The following SKAP1 variants were observed in gnomAD, a reference collection of about 807,000 sequenced individuals.
SKAP1 encodes the protein src kinase-associated phosphoprotein 1.
In SKAP1, 44 loss-of-function variants were observed where a neutral mutation model predicts 58.5. The observed-to-expected ratio is 0.75, with a 90% CI of 0.59 to 0.97. The LOEUF is 0.97. SKAP1 is among the 50% of genes least tolerant of loss of function. The probability of loss-of-function intolerance (pLI) is 0.00; values close to 1 mark genes in which losing one functional copy is unlikely to be tolerated. For synonymous variants in SKAP1, 127 were observed against 149.7 expected (o/e 0.85, Z 1.11); for missense variants, 390 against 435.2 (o/e 0.90, Z 0.92).
At chr17:48,225,215 G>C (rs1222337270) in intron 4 of SKAP1, among the ~76,000 whole-genome samples, 1 of 152,148 alleles carries the variant, frequency 6.6e-6, no homozygotes, top group Non-Finnish European at 1.5e-5. Flanking sequence ...GTTAACGGCT[G>C]TCCCATAGAG....
chr17:48,240,044 G>T (rs138675473), intron 4 of SKAP1, among the ~76,000 whole-genome samples: 2 of 152,162 alleles, frequency 1.3e-5, no homozygotes, highest in African/African-American at 4.8e-5. Context: ...AAATGTTTGT[G>T]CAGTATTTAA....
chr17:48,338,033 T>TTTCC (rs144199043), intron 4 of SKAP1, among the ~76,000 whole-genome samples: 3 of 151,652 alleles, frequency 2.0e-5, no homozygotes, highest in Admixed American at 6.6e-5. Flanking sequence ...TAGTTCCTTC[T>TTTCC]TTCCTTCCTT....
At chr17:48,311,726 A>G (rs982378738) in intron 4 of SKAP1, among the ~76,000 whole-genome samples, 1 of 152,046 alleles carries the variant, frequency 6.6e-6, no homozygotes, top group African/African-American at 2.4e-5. Context: ...TAGGATCTTC[A>G]CTCACGGGCC....
intron 4 of SKAP1, among the ~76,000 whole-genome samples, chr17:48,290,571 C>A (rs1205898675): frequency 6.6e-6 from 1 of 152,196 alleles, no homozygotes; most frequent in East Asian, 1.9e-4. Flanking sequence ...TTACACTGTA[C>A]CTTAGCACAC....
chr17:48,277,310 T>C (rs1483980135), intron 4 of SKAP1, among the ~76,000 whole-genome samples: 2 of 152,214 alleles, frequency 1.3e-5, no homozygotes, highest in East Asian at 3.9e-4. Context: ...GAAAACTAGA[T>C]ATTTCATACC....
At chr17:48,396,563 G>A in intron 2 of SKAP1, 117 bp downstream of exon 2, 1 of 586,074 alleles carries the variant, frequency 1.7e-6, no homozygotes, top group South Asian at 2.6e-5. Flanking sequence ...TATTTATTAA[G>A]TTTCTGCCAA....
chr17:48,256,754 T>C (rs1345189696), intron 4 of SKAP1, among the ~76,000 whole-genome samples: 1 of 152,074 alleles, frequency 6.6e-6, no homozygotes, highest in Non-Finnish European at 1.5e-5. Flanking sequence ...TGAGGGCTCC[T>C]TTGGCAATTG....
chr17:48,169,542 A>G (rs946473661), intron 10 of SKAP1, among the ~76,000 whole-genome samples: 1 of 152,144 alleles, frequency 6.6e-6, no homozygotes, highest in South Asian at 2.1e-4. Context: ...CGTGCATCAC[A>G]CCCGCCTCCA....
At chr17:48,287,191 G>A (rs773516650) in intron 4 of SKAP1, among the ~76,000 whole-genome samples, 8 of 151,976 alleles carry the variant, frequency 5.3e-5, no homozygotes. Context: ...TTGGCAAATT[G>A]TGCCAGTGCC....
At chr17:48,340,226 CAT>C (rs1211729705) in intron 4 of SKAP1, among the ~76,000 whole-genome samples, 2 of 151,894 alleles carry the variant, frequency 1.3e-5, no homozygotes, top group Non-Finnish European at 2.9e-5. Context: ...AGGGTGCTGT[CAT>C]AGATTTAGAG....
intron 4 of SKAP1, among the ~76,000 whole-genome samples, chr17:48,221,592 G>A (rs558099276): frequency 1.3e-5 from 2 of 152,296 alleles, no homozygotes; most frequent in Non-Finnish European, 2.9e-5. Context: ...GTACTGTATA[G>A]TGCATTATAT....
intron 4 of SKAP1, among the ~76,000 whole-genome samples, chr17:48,292,975 A>T (rs2065916724): frequency 6.6e-6 from 1 of 152,198 alleles, no homozygotes; most frequent in African/African-American, 2.4e-5. Context: ...ACAATTTTTA[A>T]AAAAGCACAC....
chr17:48,421,485 A>T (rs1175170724), intron 1 of SKAP1, among the ~76,000 whole-genome samples: 3 of 151,908 alleles, frequency 2.0e-5, no homozygotes, highest in Non-Finnish European at 4.4e-5. Context: ...TTGTATTTTT[A>T]GTAGAGACGG....
chr17:48,288,870 T>G, intron 4 of SKAP1, among the ~76,000 whole-genome samples: 1 of 152,176 alleles, frequency 6.6e-6, no homozygotes. Context: ...AAAATAAAAG[T>G]ATATAAACTT....
At chr17:48,255,560 A>C (rs919325243) in intron 4 of SKAP1, among the ~76,000 whole-genome samples, 7 of 151,958 alleles carry the variant, frequency 4.6e-5, no homozygotes, top group Non-Finnish European at 1.0e-4. Context: ...TGATTCCCCT[A>C]ACATTGATAA....
intron 6 of SKAP1, chr17:48,185,084 C>T (rs950582927): frequency 6.6e-6 from 3 of 451,752 alleles, no homozygotes; most frequent in African/African-American, 4.0e-5. Flanking sequence ...AAGAGTACAA[C>T]AGAGACAGAG....
intron 1 of SKAP1, among the ~76,000 whole-genome samples, chr17:48,408,962 T>C (rs192231359): frequency 5.3e-4 from 80 of 152,318 alleles, no homozygotes; most frequent in Non-Finnish European, 4.7e-4. Flanking sequence ...ACCTCTCTAT[T>C]TAACCAAGCT....
At chr17:48,145,497 A>G (rs1470196617) in intron 11 of SKAP1, among the ~76,000 whole-genome samples, 2 of 151,976 alleles carry the variant, frequency 1.3e-5, no homozygotes, top group East Asian at 1.9e-4. Flanking sequence ...GCCACCAACA[A>G]TGGGCATGTT....
chr17:48,370,508 G>T (rs940306516), intron 2 of SKAP1, among the ~76,000 whole-genome samples: 3 of 152,016 alleles, frequency 2.0e-5, no homozygotes, highest in African/African-American at 7.3e-5. Context: ...TCTCAATGTT[G>T]CCCTAGGCTG....
Sources: gnomAD v4.1 joint callset for allele counts (sites outside exome capture counted in the v4.1 genomes callset) on GRCh38, gnomAD v4.1.1 for gene constraint, MANE v1.5 for transcripts, NCBI Gene and HGNC (gene_info 2026-07-23, HGNC 2026-07-21) for gene names.